The following C1orf210 variants were observed in gnomAD, a reference collection of about 807,000 sequenced individuals.
The protein encoded by C1orf210 is type III endosome membrane protein TEMP.
Under a neutral mutation model 3.7 loss-of-function variants are expected in C1orf210, and 3 were observed. That is an observed-to-expected ratio of 0.81 (90% confidence interval 0.37 to 2.08). The LOEUF is 2.08. Ranked by LOEUF, C1orf210 falls within the 30% of genes most tolerant of loss-of-function variation. The pLI is 0.06. For synonymous variants in C1orf210, 62 were observed against 61.7 expected, an observed-to-expected ratio of 1.00 and a Z score of -0.02; for missense variants, 143 against 147.7, an observed-to-expected ratio of 0.97 and a Z score of 0.17.
chr1:43,285,309 G>C (rs1254927569), intron 1 of C1orf210, 135 bp downstream of exon 1: 1 of 152,308 alleles, frequency 6.6e-6, no homozygotes, highest in Non-Finnish European at 1.5e-5. Context: ...TTCCAAGGGT[G>C]CATATACACT....
At chr1:43,284,728 T>C (rs1165398593) in intron 1 of C1orf210, among the ~76,000 whole-genome samples, 1 of 152,132 alleles carries the variant, frequency 6.6e-6, no homozygotes, top group Non-Finnish European at 1.5e-5. Context: ...CAAACTCTTC[T>C]TCCTCTTCTC....
intron 1 of C1orf210, among the ~76,000 whole-genome samples, chr1:43,283,951 G>A (rs1410386251): frequency 1.3e-5 from 2 of 152,174 alleles, no homozygotes; most frequent in Non-Finnish European, 2.9e-5. Context: ...TAAGTTGAAA[G>A]CCGCTGCTGC....
At chr1:43,285,229 A>C (rs1019789295) in intron 1 of C1orf210, among the ~76,000 whole-genome samples, 2 of 152,148 alleles carry the variant, frequency 1.3e-5, no homozygotes, top group Non-Finnish European at 1.5e-5. Flanking sequence ...TGACGTTTCT[A>C]AGGTTGTATT....
Position 43,283,077 on chromosome 1 carries a change from G to A in C1orf210, c.50C>T (p.Ala17Val), listed in dbSNP as rs758379227. 1.7e-5 allele frequency: 28 copies of A among 1,613,760 alleles called. No individual in the cohort carries two copies. The highest frequency in any genetic ancestry group is 1.6e-4 in the Middle Eastern group (1 of 6,062). The change falls in exon 3 of 3, where the codon GCG (alanine) becomes GTG (valine). Residue 17 changes from alanine to valine, a missense_variant. By Grantham distance (64) the Ala-to-Val change is moderately conservative (BLOSUM62 0). Transcript: ENST00000523677. ...TLVGPSELPT[A>V]SAVAPGPGTG... ...GCCTGGGCCAGGGGCCACAGCAGAC[G>A]CTGTGGGGAGCTCCGAAGGCCCAAC...
intron 1 of C1orf210, among the ~76,000 whole-genome samples, chr1:43,284,677 T>C (rs1230927933): frequency 6.6e-6 from 1 of 152,116 alleles, no homozygotes; most frequent in Non-Finnish European, 1.5e-5. Context: ...AAGCTCCCCA[T>C]GCCCCACAGT....
chr1:43,282,714 C>T lies in C1orf210; in HGVS notation c.*71G>A. The T allele has an allele frequency of 1.4e-6, 2 of 1,433,166 alleles. No individual in the cohort carries two copies. The highest frequency in any genetic ancestry group is 2.3e-5 in the East Asian group (1 of 43,524). The allele number at this position is 1,433,166 out of a possible 1,614,324, so 88.8% of individuals were successfully genotyped here. ...CCACCTCTGTCCCTGAGGTTCAAGG[C>T]CCCCATGTCATAACCACTGTCCTTA... is the stretch of plus-strand genomic sequence containing the variant. On this transcript the variant is annotated 3_prime_UTR_variant, in exon 3 of 3. Coordinates refer to ENST00000523677, the MANE Select transcript of C1orf210 (RefSeq NM_182517.3).
Position 43,283,243 on chromosome 1 carries a change from G to T in C1orf210, c.19+9C>A, listed in dbSNP as rs1417999410. On this transcript the variant is annotated intron_variant, in intron 2 of 2. Transcript: ENST00000523677. ...CCCCCACCCCCATCATCCTCCCACT[G>T]TCACTCACTTTTGTTTGTCTCATTC... The T allele has an allele frequency of 1.9e-5, 31 of 1,613,450 alleles. No individual in the cohort carries two copies. The highest frequency in any genetic ancestry group is 2.4e-5 in the Non-Finnish European group (28 of 1,179,592).
In C1orf210 at chr1:43,282,866, A is replaced by G. The variant is rs756758230; in HGVS notation, c.261T>C (p.Asp87=). 14 of 1,614,154 alleles carry G rather than the reference A, an allele frequency of 8.7e-6. No individual in the cohort carries two copies. The South Asian group carries it at 1.5e-4, about 18-fold the overall frequency. The stretch of plus-strand genomic sequence containing the variant: ...GAATGTAATTGTCCTCGATGAAGCC[A>G]TCATCATCCTCATCTTCAGCCACCT... ...RPQVAEDEDD[D]GFIEDNYIQP... Residue 87 remains aspartate (D), a synonymous_variant, in exon 3 of 3, where the codon GAT becomes GAC. Transcript: ENST00000523677.
chr1:43,285,627 A>G (rs992686098), upstream of C1orf210: 3 of 152,326 alleles, frequency 2.0e-5, no homozygotes, highest in Admixed American at 6.5e-5. Context: ...TGGGCGGGTC[A>G]AGGCAGAGCT....
rs1436643996 is a variant in C1orf210 at position 43,282,800 on chromosome 1, G to T, written c.327C>A (p.Asp109Glu). The change falls in exon 3 of 3, where the codon GAC becomes GAA. Residue 109 changes from aspartate to glutamate, a missense_variant. Physicochemically the swap from Asp to Glu is conservative, Grantham distance 45. Coordinates refer to ENST00000523677, the MANE Select transcript of C1orf210 (RefSeq NM_182517.3). ...TGELGTEGSR[D>E]HFSL ...AGATGGGAGCTCAGAGGGAGAAGTG[G>T]TCCCTGCTACCCTCTGTCCCCAGCT... The T allele has an allele frequency of 6.3e-7, 1 of 1,596,802 alleles. No individual in the cohort carries two copies. Among genetic ancestry groups the T allele is most frequent in the Non-Finnish European group, 8.5e-7 (1 of 1,169,906 alleles).
rs1646553305 is a variant in C1orf210, at chr1:43,282,597, A to G, written c.*188T>C. 5.0e-6 allele frequency: 3 copies of G among 602,568 alleles called. No homozygotes were observed. 37.3% of individuals were successfully genotyped at this position (602,568 alleles called of 1,614,324 possible). A position where few individuals can be genotyped will look rare whatever the true frequency, so the allele number is the denominator to read the frequency against. ...CTGAGAACAGCAGGGAACAGTTGAG[A>G]GTTATTGAGCAAGAGAGGGTCATTG... On this transcript the variant is annotated 3_prime_UTR_variant, in exon 3 of 3. Coordinates refer to ENST00000523677, the MANE Select transcript of C1orf210 (RefSeq NM_182517.3).
upstream of C1orf210, chr1:43,285,659 G>A (rs560343375): frequency 1.3e-5 from 2 of 152,484 alleles, no homozygotes; most frequent in South Asian, 2.1e-4. Flanking sequence ...CGGAGGCAGT[G>A]GGCGGGGCTG....
Position 43,282,675 on chromosome 1 carries a change from C to T in C1orf210, c.*110G>A. ...TGGGGTTTACTCCATCCCTGGCCAA[C>T]CTTTAAGCCCCAGCCACCTCTGTCC... On this transcript the variant is annotated 3_prime_UTR_variant, in exon 3 of 3. Transcript: ENST00000523677. The T allele has an allele frequency of 1.7e-6, 2 of 1,168,420 alleles. No individual in the cohort carries two copies. Among genetic ancestry groups the T allele is most frequent in the Non-Finnish European group, 1.2e-6 (1 of 825,620 alleles). The allele number at this position is 1,168,420 out of a possible 1,614,324, so 72.4% of individuals were successfully genotyped here. A position where few individuals can be genotyped will look rare whatever the true frequency, so the allele number is the denominator to read the frequency against.
rs1450706430 is a variant in C1orf210, at chr1:43,282,676, C to T, written c.*109G>A. ...GGGGTTTACTCCATCCCTGGCCAACCTTTAAGCCCCAGCCACCTCTGTCCC... is the reference window on the plus strand; with the variant it reads ...GGGGTTTACTCCATCCCTGGCCAACTTTTAAGCCCCAGCCACCTCTGTCCC... On this transcript the variant is annotated 3_prime_UTR_variant, in exon 3 of 3. Transcript: ENST00000523677. The T allele has an allele frequency of 1.7e-6, 2 of 1,189,916 alleles. No individual in the cohort carries two copies. The highest frequency in any genetic ancestry group is 1.5e-5 in the African/African-American group (1 of 65,142). 73.7% of individuals were successfully genotyped at this position (1,189,916 alleles called of 1,614,324 possible). A position where few individuals can be genotyped will look rare whatever the true frequency, so the allele number is the denominator to read the frequency against.
intron 1 of C1orf210, among the ~76,000 whole-genome samples, chr1:43,284,578 T>C (rs1646568301): frequency 6.6e-6 from 1 of 152,112 alleles, no homozygotes; most frequent in African/African-American, 2.4e-5. Flanking sequence ...ATCTCCTAAC[T>C]GGGCTCCCCA....
chr1:43,283,409 G>A (rs768431624), intron 1 of C1orf210, 41 bp from the exon 2 acceptor site: 4 of 1,205,052 alleles, frequency 3.3e-6, no homozygotes, highest in Non-Finnish European at 4.6e-6. Context: ...GATGGTCACA[G>A]GGTGCACTTT....
At chr1:43,285,792 T>G (rs947312573), upstream of C1orf210, among the ~76,000 whole-genome samples, 9 of 152,006 alleles carry the variant, frequency 5.9e-5, no homozygotes, top group African/African-American at 2.2e-4. Context: ...CACCCCCCAA[T>G]GCTTGCGGTT....
chr1:43,285,137 C>T (rs535484878), intron 1 of C1orf210, among the ~76,000 whole-genome samples: 4 of 152,318 alleles, frequency 2.6e-5, no homozygotes, highest in African/African-American at 9.6e-5. Flanking sequence ...TCATTCATTC[C>T]TCAGCCTGCT....
At chr1:43,285,073 G>C (rs1646571805) in intron 1 of C1orf210, among the ~76,000 whole-genome samples, 1 of 152,196 alleles carries the variant, frequency 6.6e-6, no homozygotes, top group Non-Finnish European at 1.5e-5. Flanking sequence ...GAGCGTGAGA[G>C]TGAATATACA....
Sources: gnomAD v4.1 joint callset for allele counts (sites outside exome capture counted in the v4.1 genomes callset) on GRCh38, gnomAD v4.1.1 for gene constraint, MANE v1.5 for transcripts, NCBI Gene and HGNC (gene_info 2026-07-23, HGNC 2026-07-21) for gene names.